Variants in PSMB7 observed in about 807,000 individuals in gnomAD.
PSMB7 encodes proteasome subunit beta type-7.
PSMB7 carries 5 observed loss-of-function variants against 28.1 expected under a neutral mutation model. The observed-to-expected ratio is 0.18, with a 90% CI of 0.09 to 0.37. The LOEUF is 0.37. Among genes scored for constraint, PSMB7 ranks in the 10% least tolerant of loss-of-function variants. PSMB7 has a pLI of 1.00. For synonymous variants in PSMB7, 122 were observed against 123.7 expected (o/e 0.99, Z 0.09); for missense variants, 275 against 346.2 (o/e 0.79, Z 1.63).
intron 6 of PSMB7, among the ~76,000 whole-genome samples, chr9:124,372,934 G>A (rs1378457035): frequency 2.6e-5 from 4 of 152,186 alleles, no homozygotes; most frequent in East Asian, 1.9e-4. Flanking sequence ...GTGAAAGACC[G>A]CATAAAATTT....
At position 124,400,817 on chromosome 9, in the gene PSMB7, C is replaced by T. The variant is rs191298256; in HGVS notation, c.511+4500G>A. Among the ~76,000 whole-genome samples the T allele has an allele frequency of 4.6e-5, 7 of 152,186 alleles. No homozygotes were observed. In the East Asian group the frequency reaches 7.7e-4, roughly 17 times the overall value. On this transcript the variant is annotated intron_variant, in intron 5 of 7. Transcript: ENST00000259457. Reference sequence around the variant, plus strand: ...GCTAAGAATTTATCTAAATGAAGTACGTATTTATACAAGTAGACCAAGACA... The same window carrying T: ...GCTAAGAATTTATCTAAATGAAGTATGTATTTATACAAGTAGACCAAGACA...
At chr9:124,388,132 C>T (rs1427873695) in intron 5 of PSMB7, among the ~76,000 whole-genome samples, 1 of 152,232 alleles carries the variant, frequency 6.6e-6, no homozygotes, top group African/African-American at 2.4e-5. Context: ...TAAGCTGGCA[C>T]TCTCTTCATA....
At chr9:124,380,522 C>A (rs569420072) in intron 6 of PSMB7, among the ~76,000 whole-genome samples, 39 of 152,242 alleles carry the variant, frequency 2.6e-4, no homozygotes, top group African/African-American at 7.0e-4. Flanking sequence ...GCCTGGGCAA[C>A]AGAGCAAGAT....
At chr9:124,371,427 T>TC (rs1191930584) in intron 6 of PSMB7, among the ~76,000 whole-genome samples, 2 of 152,226 alleles carry the variant, frequency 1.3e-5, no homozygotes, top group Non-Finnish European at 2.9e-5. Context: ...CTTTTGATGG[T>TC]GAAATTCGTG....
intron 6 of PSMB7, among the ~76,000 whole-genome samples, chr9:124,376,580 G>C (rs1830611145): frequency 2.0e-5 from 3 of 152,154 alleles, no homozygotes; most frequent in Non-Finnish European, 2.9e-5. Context: ...GTCTTCACAA[G>C]ACCTCATCAG....
chr9:124,406,064 C>T (rs192156330), intron 4 of PSMB7, among the ~76,000 whole-genome samples: 268 of 152,256 alleles, frequency 1.8e-3, no homozygotes, highest in African/African-American at 5.9e-3. Flanking sequence ...TAAGAACTTG[C>T]CCGGTCTCAG....
intron 6 of PSMB7, among the ~76,000 whole-genome samples, chr9:124,380,498 G>C (rs1050735593): frequency 3.3e-5 from 5 of 152,178 alleles, no homozygotes; most frequent in African/African-American, 1.2e-4. Flanking sequence ...CCCTGGTCAT[G>C]CCACTGCACT....
chr9:124,369,618 C>T (rs186744566), intron 6 of PSMB7, among the ~76,000 whole-genome samples: 10 of 152,266 alleles, frequency 6.6e-5, no homozygotes, highest in African/African-American at 1.4e-4. Context: ...GGGAAATGAC[C>T]GCCCAGACAA....
chr9:124,374,242 T>C (rs982207752), intron 6 of PSMB7, among the ~76,000 whole-genome samples: 2 of 151,856 alleles, frequency 1.3e-5, no homozygotes, highest in Non-Finnish European at 2.9e-5. Context: ...TGGGGGAAAA[T>C]GGGGAGTGAT....
chr9:124,398,829 G>A (rs1830868452), intron 5 of PSMB7, among the ~76,000 whole-genome samples: 1 of 152,170 alleles, frequency 6.6e-6, no homozygotes, highest in Non-Finnish European at 1.5e-5. Context: ...ATGGGGCTGA[G>A]TGACACTAGG....
intron 6 of PSMB7, among the ~76,000 whole-genome samples, chr9:124,365,108 C>CCAGGT (rs1398878639): frequency 1.3e-5 from 2 of 152,326 alleles, no homozygotes; most frequent in Non-Finnish European, 2.9e-5. Context: ...TGCAAAACGG[C>CCAGGT]CAGGTTAGCT....
intron 5 of PSMB7, among the ~76,000 whole-genome samples, chr9:124,389,494 A>C (rs1237775039): frequency 6.6e-6 from 1 of 152,102 alleles, no homozygotes; most frequent in Non-Finnish European, 1.5e-5. Flanking sequence ...TATGATGGCT[A>C]CCTAGTCCCC....
intron 6 of PSMB7, among the ~76,000 whole-genome samples, chr9:124,376,665 A>G (rs1036291943): frequency 2.6e-5 from 4 of 152,242 alleles, no homozygotes; most frequent in Admixed American, 6.5e-5. Flanking sequence ...TTGTTAAAGA[A>G]TTACAGGAAT....
At chr9:124,378,580 T>G (rs1368978777) in intron 6 of PSMB7, among the ~76,000 whole-genome samples, 1 of 152,214 alleles carries the variant, frequency 6.6e-6, no homozygotes, top group Non-Finnish European at 1.5e-5. Context: ...TGACAATTAG[T>G]GCAAAGAGGG....
intron 6 of PSMB7, among the ~76,000 whole-genome samples, chr9:124,373,858 T>C (rs1220754832): frequency 1.3e-5 from 2 of 152,190 alleles, no homozygotes; most frequent in Admixed American, 6.5e-5. Flanking sequence ...AGGTTAAACA[T>C]AGAGTAACTA....
chr9:124,372,783 G>A (rs1830575522), intron 6 of PSMB7, among the ~76,000 whole-genome samples: 1 of 152,176 alleles, frequency 6.6e-6, no homozygotes, highest in Non-Finnish European at 1.5e-5. Context: ...ACACAGACTT[G>A]AACAGAAGAA....
intron 4 of PSMB7, among the ~76,000 whole-genome samples, chr9:124,408,855 G>T (rs1192651970): frequency 3.9e-5 from 6 of 152,152 alleles, no homozygotes; most frequent in African/African-American, 1.4e-4. Context: ...CAGGTTTCTA[G>T]TGTCTACGTT....
chr9:124,391,436 A>G (rs1204737063), intron 5 of PSMB7, among the ~76,000 whole-genome samples: 1 of 152,224 alleles, frequency 6.6e-6, no homozygotes, highest in Non-Finnish European at 1.5e-5. Flanking sequence ...ACCCCAAAAA[A>G]GCATGCTTTC....
chr9:124,402,595 G>C (rs996722058), intron 5 of PSMB7, among the ~76,000 whole-genome samples: 1 of 151,842 alleles, frequency 6.6e-6, no homozygotes, highest in Non-Finnish European at 1.5e-5. Flanking sequence ...GTGTGTGAGA[G>C]GCAGAACACA....
Sources: allele counts gnomAD v4.1 joint callset (sites outside exome capture counted in the v4.1 genomes callset), GRCh38; gene constraint gnomAD v4.1.1; transcripts MANE v1.5; gene names NCBI Gene and HGNC (gene_info 2026-07-23, HGNC 2026-07-21).